The following FAM120C variants were observed in gnomAD, a reference collection of about 807,000 sequenced individuals.
The protein encoded by FAM120C is family with sequence similarity 120 member C, also known as constitutive coactivator of PPAR-gamma-like protein 2.
Under a neutral mutation model 71.2 loss-of-function variants are expected in FAM120C, and 14 were observed. That is an observed-to-expected ratio of 0.20 (90% confidence interval 0.13 to 0.31). FAM120C has a LOEUF of 0.31. Ranked by LOEUF, FAM120C falls within the 10% of genes least tolerant of loss-of-function variation. FAM120C has a pLI of 1.00. For synonymous variants in FAM120C, 354 were observed against 353.2 expected, an observed-to-expected ratio of 1.00 and a Z score of -0.03; for missense variants, 500 against 879.0, an observed-to-expected ratio of 0.57 and a Z score of 5.45.
chrX:54,136,289 T>C (rs782815115), intron 5 of FAM120C, among the ~76,000 whole-genome samples: 2 of 112,493 alleles, frequency 1.8e-5, no homozygotes, highest in Non-Finnish European at 3.8e-5. Context: ...CGTGAGCCAC[T>C]GTGCCTGGCC....
intron 9 of FAM120C, 70 bp from the exon 10 acceptor site, chrX:54,116,864 ACATTGACAGGCTC>A (rs1440741273): frequency 9.1e-7 from 1 of 1,101,401 alleles, no homozygotes; most frequent in African/African-American, 1.8e-5. Flanking sequence ...TAGCCACAGG[ACATTGACAGGCTC>A]CATTGCATTT....
chrX:54,100,367 C>A (rs2066875986), intron 10 of FAM120C, among the ~76,000 whole-genome samples: 1 of 111,777 alleles, frequency 8.9e-6, no homozygotes, highest in Non-Finnish European at 1.9e-5. Context: ...GCAGCGGGCA[C>A]CTGTAGTCCC....
At chrX:54,151,518 C>T (rs1429336257) in intron 3 of FAM120C, 145 bp from the exon 4 acceptor site, 3 of 644,498 alleles carry the variant, frequency 4.7e-6, no homozygotes, top group Non-Finnish European at 6.9e-6. Context: ...TAGTTTTGCC[C>T]CTTCATTCTC....
intron 1 of FAM120C, among the ~76,000 whole-genome samples, chrX:54,179,351 G>A (rs1182376575): frequency 1.8e-5 from 2 of 112,040 alleles, no homozygotes; most frequent in Non-Finnish European, 1.9e-5. Flanking sequence ...GGTCTAGCCT[G>A]AAGAACAAAA....
chrX:54,084,873 T>C (rs909098242), intron 13 of FAM120C, among the ~76,000 whole-genome samples: 1 of 111,965 alleles, frequency 8.9e-6, no homozygotes, highest in Admixed American at 9.6e-5. Flanking sequence ...CATATGTGTG[T>C]GTGTGTGTAT....
At chrX:54,077,420 G>A (rs1168717888) in intron 15 of FAM120C, among the ~76,000 whole-genome samples, 1 of 111,436 alleles carries the variant, frequency 9.0e-6, no homozygotes, top group Non-Finnish European at 1.9e-5. Flanking sequence ...GGCCAGGTGT[G>A]GTGGCTCATT....
At chrX:54,174,030 T>A (rs782692364) in intron 1 of FAM120C, 2 of 497,136 alleles carry the variant, frequency 4.0e-6, no homozygotes, top group Non-Finnish European at 7.2e-6. Context: ...ATTCAGTTCC[T>A]TGCAGGCTGT....
chrX:54,098,169 G>A (rs2146572885), intron 10 of FAM120C, among the ~76,000 whole-genome samples: 1 of 107,214 alleles, frequency 9.3e-6, no homozygotes, highest in South Asian at 4.1e-4. Flanking sequence ...AGCGTCCCAA[G>A]TAGCTGAGAT....
At chrX:54,176,185 C>T (rs1400850634) in intron 1 of FAM120C, among the ~76,000 whole-genome samples, 1 of 110,888 alleles carries the variant, frequency 9.0e-6, no homozygotes, top group African/African-American at 3.3e-5. Flanking sequence ...GTAATCCCAG[C>T]GCTTTGGGTG....
At chrX:54,093,938 A>G (rs1226701572) in intron 10 of FAM120C, among the ~76,000 whole-genome samples, 3 of 111,435 alleles carry the variant, frequency 2.7e-5, no homozygotes, top group Non-Finnish European at 3.8e-5. Context: ...GCAGCAAACT[A>G]TAAGTTATAC....
chrX:54,109,493 T>C (rs2066923773), intron 10 of FAM120C, among the ~76,000 whole-genome samples: 1 of 108,347 alleles, frequency 9.2e-6, no homozygotes, highest in African/African-American at 3.4e-5. Flanking sequence ...CATGCCCCTG[T>C]AGTCTCAGCT....
intron 8 of FAM120C, among the ~76,000 whole-genome samples, chrX:54,133,463 GA>G: frequency 8.9e-6 from 1 of 112,527 alleles, no homozygotes; most frequent in Non-Finnish European, 1.9e-5. Flanking sequence ...AGTAGAAAAA[GA>G]AATAAGGAAA....
intron 4 of FAM120C, among the ~76,000 whole-genome samples, chrX:54,144,178 G>T (rs781919344): frequency 9.0e-6 from 1 of 111,316 alleles, no homozygotes; most frequent in South Asian, 3.8e-4. Flanking sequence ...AATAATAAGA[G>T]CTATTTATGA....
At chrX:54,140,433 A>G (rs1368120219) in intron 4 of FAM120C, among the ~76,000 whole-genome samples, 1 of 108,166 alleles carries the variant, frequency 9.2e-6, no homozygotes, top group Non-Finnish European at 1.9e-5. Flanking sequence ...AGCCTGGCAA[A>G]CATGGTGATA....
chrX:54,157,624 CATCAAAACTCCA>C, intron 3 of FAM120C, 53 bp downstream of exon 3: 1 of 739,997 alleles, frequency 1.4e-6, no homozygotes, highest in Non-Finnish European at 2.0e-6. Flanking sequence ...ATAATTATTC[CATCAAAACTCCA>C]ATCAAAACCT....
chrX:54,169,276 AAC>A (rs1374303350), intron 1 of FAM120C, among the ~76,000 whole-genome samples: 3 of 111,536 alleles, frequency 2.7e-5, no homozygotes, highest in African/African-American at 9.8e-5. Context: ...CAATCTGAGC[AAC>A]AGAGTGAGAC....
At chrX:54,087,197 C>T (rs1233330717) in intron 12 of FAM120C, among the ~76,000 whole-genome samples, 2 of 109,790 alleles carry the variant, frequency 1.8e-5, no homozygotes, top group African/African-American at 6.6e-5. Flanking sequence ...CCTGTAGTCC[C>T]AGCTACTTGG....
At chrX:54,182,059 T>TTCA (rs200749398) in intron 1 of FAM120C, among the ~76,000 whole-genome samples, 1,145 of 111,979 alleles carry the variant, frequency 0.01, 6 homozygotes, top group Non-Finnish European at 0.014. Flanking sequence ...AGGTGTTCAG[T>TTCA]TCACACCTGC....
At chrX:54,108,899 C>T (rs1557125266) in intron 10 of FAM120C, among the ~76,000 whole-genome samples, 1 of 78,797 alleles carries the variant, frequency 1.3e-5, no homozygotes, top group African/African-American at 4.7e-5. Context: ...CACTGCACTC[C>T]AGCCAGCCTG....
Sources: gnomAD v4.1 joint callset for allele counts (sites outside exome capture counted in the v4.1 genomes callset) on GRCh38, gnomAD v4.1.1 for gene constraint, MANE v1.5 for transcripts, NCBI Gene and HGNC (gene_info 2026-07-23, HGNC 2026-07-21) for gene names.